Variants in AQR observed in about 807,000 individuals in gnomAD.
AQR encodes aquarius intron-binding spliceosomal factor, also known as RNA helicase aquarius.
A neutral mutation model predicts 180.5 loss-of-function variants in AQR; 61 were observed. The observed-to-expected ratio is 0.34, with a 90% confidence interval of 0.28 to 0.42. The LOEUF is 0.42. AQR is among the 10% of genes least tolerant of loss of function. The probability of loss-of-function intolerance (pLI) is 1.00; values close to 1 mark genes in which losing one functional copy is unlikely to be tolerated. For missense variants in AQR, 1,281 were observed against 1,798.3 expected (o/e 0.71, Z 5.20); for synonymous variants, 551 against 588.8 (o/e 0.94, Z 0.93).
At position 34,905,972 on chromosome 15, in the gene AQR, T is replaced by C. The variant is rs569156754; in HGVS notation, c.1831+573A>G. Among the ~76,000 whole-genome samples the C allele has an allele frequency of 8.8e-4, 134 of 152,148 alleles. 3 individuals are homozygous for C. Among genetic ancestry groups the C allele is most frequent in the African/African-American group, 3.0e-3 (123 of 41,520 alleles). ...TTGCTTGAACTTGGGAGGCAGAGGT[T>C]GCAGTGGGCCAAGATCGCGCCACTG... On this transcript the variant is annotated intron_variant, in intron 18 of 34. Coordinates refer to ENST00000156471, the MANE Select transcript of AQR (RefSeq NM_014691.3).
intron 17 of AQR, among the ~76,000 whole-genome samples, chr15:34,909,509 C>A (rs1246029280): frequency 6.6e-6 from 1 of 152,170 alleles, no homozygotes; most frequent in Non-Finnish European, 1.5e-5. Flanking sequence ...TATTATATAT[C>A]CTTGACTACA....
At chr15:34,926,660 A>G (rs965523067) in intron 13 of AQR, among the ~76,000 whole-genome samples, 4 of 152,226 alleles carry the variant, frequency 2.6e-5, no homozygotes, top group African/African-American at 9.6e-5. Context: ...GGATATTACT[A>G]ATTTTATAAA....
chr15:34,915,207 CA>C, intron 15 of AQR, 28 bp from the exon 16 acceptor site: 8 of 1,540,950 alleles, frequency 5.2e-6, no homozygotes, highest in African/African-American at 1.4e-5. Context: ...ATCCATATTT[CA>C]ATTTTTTTTT....
chr15:34,954,319 T>TA (rs964255737), intron 3 of AQR, among the ~76,000 whole-genome samples: 3 of 152,134 alleles, frequency 2.0e-5, no homozygotes, highest in African/African-American at 7.2e-5. Context: ...GTCTTTTTTT[T>TA]TTTCTGAGGC....
In AQR at chr15:34,910,225, G is replaced by T; in HGVS notation, c.1573C>A (p.Pro525Thr). 1 of 1,614,156 alleles carries T rather than the reference G, an allele frequency of 6.2e-7. No individual in the cohort carries two copies. Among genetic ancestry groups the T allele is most frequent in the Non-Finnish European group, 8.5e-7 (1 of 1,180,034 alleles). Residue 525 changes from proline (P) to threonine (T), a missense_variant, in exon 17 of 35, where the codon CCC becomes ACC. Physicochemically the swap from Pro to Thr is conservative, Grantham distance 38. Around this residue, in one of 9 missense-constraint regions of AQR, gnomAD observed 200 missense variants for 293.4 expected, o/e 0.68. Transcript: ENST00000156471. ...VAFTVVEVAK[P>T]NIGENWPTRV... is the part of the protein sequence containing the mutation. ...GTTGGCCAGTTTTCACCTATGTTGG[G>T]TTTGGCCACTTCAACGACAGTGAAA... is the stretch of plus-strand genomic sequence containing the variant.
At position 34,965,528 on chromosome 15, in the gene AQR, A is replaced by C. The variant is rs2050305955; in HGVS notation, c.76-1238T>G. On this transcript the variant is annotated intron_variant, in intron 1 of 34. Transcript: ENST00000156471. ...TCTACCAAAAACACAAAAATTAGCC[A>C]GGCTTGGTGGTGTGCACCTATAATT... Among the ~76,000 whole-genome samples, 4 of 152,150 alleles carry C rather than the reference A, an allele frequency of 2.6e-5. No individual in the cohort carries two copies. In the South Asian group the frequency reaches 8.3e-4, roughly 32 times the overall value.
chr15:34,930,277 T>C lies in AQR; in HGVS notation c.995A>G (p.Asp332Gly). The change falls in exon 12 of 35, where the codon GAT becomes GGT. Residue 332 changes from aspartate to glycine, a missense_variant. Physicochemically the swap from Asp to Gly is moderately conservative, Grantham distance 94 (BLOSUM62 -1). Transcript: ENST00000156471. The stretch of plus-strand genomic sequence containing the variant: ...AATTACCTGTAGAGAAGTAATTCTA[T>C]CATAGTGAATTGTGGTCATCTCATT... Reference protein sequence around the residue: ...TENEMTTIHYDRITSLQRAAF... With the variant: ...TENEMTTIHYGRITSLQRAAF... The C allele has an allele frequency of 6.3e-7, 1 of 1,596,816 alleles. No homozygotes were observed. The highest frequency in any genetic ancestry group is 8.6e-7 in the Non-Finnish European group (1 of 1,165,512).
At chr15:34,880,314 C>A (rs759140867) in intron 27 of AQR, among the ~76,000 whole-genome samples, 1 of 152,060 alleles carries the variant, frequency 6.6e-6, no homozygotes, top group African/African-American at 2.4e-5. Context: ...TACTAAAATA[C>A]AGAAGAGAAA....
chr15:34,919,806 G>A (rs1389630520), intron 14 of AQR, among the ~76,000 whole-genome samples: 4 of 152,066 alleles, frequency 2.6e-5, no homozygotes, highest in Non-Finnish European at 4.4e-5. Flanking sequence ...GATGAGGCAC[G>A]AGAATCACTT....
chr15:34,965,594 C>G (rs1347391692), intron 1 of AQR, among the ~76,000 whole-genome samples: 1 of 152,148 alleles, frequency 6.6e-6, no homozygotes, highest in Non-Finnish European at 1.5e-5. Flanking sequence ...TTGCTTGAAC[C>G]TGGGAGGTGG....
chr15:34,969,279 A>G (rs1361697076), intron 1 of AQR, among the ~76,000 whole-genome samples: 1 of 152,100 alleles, frequency 6.6e-6, no homozygotes, highest in Admixed American at 6.5e-5. Flanking sequence ...CAAAACTCAT[A>G]CAGTAGTTTT....
At chr15:34,945,490 T>G (rs1057372330) in intron 5 of AQR, among the ~76,000 whole-genome samples, 1 of 152,210 alleles carries the variant, frequency 6.6e-6, no homozygotes, top group African/African-American at 2.4e-5. Context: ...ATTTCTCTAT[T>G]TCAAGGCCTA....
chr15:34,964,012 G>A (rs1416250916), intron 2 of AQR, among the ~76,000 whole-genome samples: 2 of 152,166 alleles, frequency 1.3e-5, no homozygotes. Context: ...AATGGTAAGA[G>A]AGGTTATCTC....
chr15:34,872,813 A>G, intron 30 of AQR, among the ~76,000 whole-genome samples: 1 of 152,204 alleles, frequency 6.6e-6, no homozygotes, highest in South Asian at 2.1e-4. Flanking sequence ...TAATTTGTAT[A>G]ACAACCTATA....
At chr15:34,935,733 A>C (rs1386304022) in intron 9 of AQR, among the ~76,000 whole-genome samples, 1 of 152,224 alleles carries the variant, frequency 6.6e-6, no homozygotes, top group Non-Finnish European at 1.5e-5. Context: ...ATGATCAGAG[A>C]AAATGACCTG....
At position 34,854,376 on chromosome 15, in the gene AQR, G is replaced by C. The variant is rs1052513049; in HGVS notation, c.*2416C>G. ...GTCTGTAGTAATCCCAAACTATATA[G>C]AAAACTCTTGAATTTATTAAGCAAT... is the stretch of plus-strand genomic sequence containing the variant. On this transcript the variant is annotated 3_prime_UTR_variant, in exon 35 of 35. Coordinates refer to ENST00000156471, the MANE Select transcript of AQR (RefSeq NM_014691.3). 2.6e-5 allele frequency: 4 copies of C among 152,058 alleles called. No homozygotes were observed. Among genetic ancestry groups the C allele is most frequent in the African/African-American group, 9.7e-5 (4 of 41,396 alleles). The allele number at this position is 152,058 out of a possible 1,614,324, so 9.4% of individuals were successfully genotyped here.
intron 1 of AQR, among the ~76,000 whole-genome samples, 179 bp downstream of exon 1, chr15:34,969,360 C>T (rs1019737995): frequency 3.9e-5 from 6 of 152,192 alleles, no homozygotes; most frequent in African/African-American, 1.4e-4. Flanking sequence ...CCACGGTATG[C>T]CCAGCACCTA....
chr15:34,863,274 T>C, intron 32 of AQR: 1 of 421,942 alleles, frequency 2.4e-6, no homozygotes, highest in South Asian at 4.3e-5. Flanking sequence ...GATCACAAAA[T>C]AACCAATGCA....
chr15:34,925,943 C>T (rs1047770069), intron 13 of AQR, among the ~76,000 whole-genome samples: 1 of 152,042 alleles, frequency 6.6e-6, no homozygotes, highest in Non-Finnish European at 1.5e-5. Context: ...CTGAGGCGGG[C>T]AGATCACGAG....
Sources: gnomAD v4.1 joint callset for allele counts (sites outside exome capture counted in the v4.1 genomes callset) on GRCh38, gnomAD v4.1.1 for gene constraint, gnomAD v4.1.1 regional missense constraint, MANE v1.5 for transcripts, NCBI Gene and HGNC (gene_info 2026-07-23, HGNC 2026-07-21) for gene names.